GRM7: variants seen among roughly 807,000 people sequenced by gnomAD.
GRM7 encodes metabotropic glutamate receptor 7.
GRM7 carries 35 observed loss-of-function variants against 84.5 expected under a neutral mutation model. That is an observed-to-expected ratio of 0.41 (90% confidence interval 0.32 to 0.55). GRM7 has a LOEUF of 0.55. Among genes scored for constraint, GRM7 ranks in the 20% least tolerant of loss-of-function variants. The probability of loss-of-function intolerance (pLI) is 0.19; values close to 1 mark genes in which losing one functional copy is unlikely to be tolerated. For missense variants in GRM7, 1,003 were observed against 1,194.6 expected (o/e 0.84, Z 2.36); for synonymous variants, 487 against 455.1 (o/e 1.07, Z -0.89).
chr3:7,265,473 A>G (rs952508960), intron 2 of GRM7, among the ~76,000 whole-genome samples: 2 of 152,200 alleles, frequency 1.3e-5, no homozygotes, highest in African/African-American at 4.8e-5. Context: ...GTCATAGGGA[A>G]AGCAATTCTG....
chr3:7,617,622 A>G lies in GRM7; in HGVS notation c.2451+38265A>G, dbSNP rs912741603. Among the ~76,000 whole-genome samples the G allele has an allele frequency of 5.3e-5, 8 of 152,266 alleles. No homozygotes were observed. In the East Asian group the frequency reaches 1.5e-3, roughly 29 times the overall value. ...GAAAATACAAAGAATTCCTGCAAGG[A>G]AAGGAAGCAAAATGCAGTACGGAAG... On this transcript the variant is annotated intron_variant, in intron 8 of 9. Transcript: ENST00000357716.
At chr3:7,536,144 T>G (rs1701234061) in intron 7 of GRM7, among the ~76,000 whole-genome samples, 1 of 152,224 alleles carries the variant, frequency 6.6e-6, no homozygotes, top group South Asian at 2.1e-4. Context: ...GGAATCAGAA[T>G]GCTGGGACTT....
intron 2 of GRM7, among the ~76,000 whole-genome samples, chr3:7,206,442 G>A (rs1170052890): frequency 3.9e-5 from 6 of 152,066 alleles, no homozygotes. Context: ...TGGAGATACT[G>A]ATGGTTAAAA....
At chr3:7,218,779 ATAT>A (rs1696698598) in intron 2 of GRM7, among the ~76,000 whole-genome samples, 1 of 151,544 alleles carries the variant, frequency 6.6e-6, no homozygotes, top group African/African-American at 2.4e-5. Flanking sequence ...CTTTATTTTA[ATAT>A]TATAGATATT....
chr3:7,182,596 T>C (rs570018160), intron 2 of GRM7, among the ~76,000 whole-genome samples: 12 of 152,224 alleles, frequency 7.9e-5, no homozygotes, highest in African/African-American at 1.2e-4. Context: ...AGAAACCAAC[T>C]CCATCAAAGT....
At chr3:7,637,593 C>T (rs796530136) in intron 8 of GRM7, among the ~76,000 whole-genome samples, 15 of 152,286 alleles carry the variant, frequency 9.8e-5, no homozygotes, top group African/African-American at 3.4e-4. Context: ...AGGAGCCTAT[C>T]GCCTGTTAGG....
At chr3:6,879,841 T>C (rs1695443221) in intron 1 of GRM7, among the ~76,000 whole-genome samples, 1 of 152,208 alleles carries the variant, frequency 6.6e-6, no homozygotes, top group Non-Finnish European at 1.5e-5. Flanking sequence ...AGATTGTTTT[T>C]ATGTTAATTC....
chr3:7,532,194 G>T (rs1338172122), intron 7 of GRM7, among the ~76,000 whole-genome samples: 1 of 152,120 alleles, frequency 6.6e-6, no homozygotes, highest in East Asian at 1.9e-4. Flanking sequence ...AGAAGGAATG[G>T]TACCAGCTCC....
chr3:7,544,423 C>T (rs922649427), intron 7 of GRM7, among the ~76,000 whole-genome samples: 5 of 152,038 alleles, frequency 3.3e-5, no homozygotes, highest in African/African-American at 1.2e-4. Context: ...CGCAAAGCAC[C>T]GGGATTATAA....
chr3:7,395,205 G>C (rs181645195), intron 4 of GRM7, among the ~76,000 whole-genome samples: 12 of 152,126 alleles, frequency 7.9e-5, no homozygotes, highest in Admixed American at 4.6e-4. Flanking sequence ...TATTCTATCA[G>C]CCATTTGAGT....
intron 7 of GRM7, among the ~76,000 whole-genome samples, chr3:7,491,990 T>C (rs1208607160): frequency 1.3e-5 from 2 of 152,074 alleles, no homozygotes; most frequent in Non-Finnish European, 2.9e-5. Context: ...CTTCTGTGGC[T>C]TATTGATATG....
chr3:7,229,842 T>C (rs1295857329), intron 2 of GRM7, among the ~76,000 whole-genome samples: 11 of 128,304 alleles, frequency 8.6e-5, no homozygotes, highest in Non-Finnish European at 1.7e-4. Flanking sequence ...CCATCTTCTT[T>C]TTTTTTTTTT....
rs116709462 is a variant in GRM7, at chr3:7,070,442, T to C, written c.520-76010T>C. 1.1e-3 allele frequency among the ~76,000 whole-genome samples: 175 copies of C among 152,208 alleles called. 1 individual carries two copies. Among genetic ancestry groups the C allele is most frequent in the African/African-American group, 4.1e-3 (171 of 41,566 alleles). Reference sequence around the variant, plus strand: ...TACAAATGAATGCTAAAAACAAAACTTTTTCATTCCTAATAAACTTATTTT... The same window carrying C: ...TACAAATGAATGCTAAAAACAAAACCTTTTCATTCCTAATAAACTTATTTT... On this transcript the variant is annotated intron_variant, in intron 1 of 9. Coordinates refer to ENST00000357716, the MANE Select transcript of GRM7 (RefSeq NM_000844.4).
At chr3:7,421,980 C>G (rs1050298471) in intron 5 of GRM7, among the ~76,000 whole-genome samples, 1 of 148,104 alleles carries the variant, frequency 6.8e-6, no homozygotes, top group Non-Finnish European at 1.5e-5. Context: ...GTCCCAGCTG[C>G]TTACATTGGG....
chr3:7,704,462 G>T (rs1276517471), intron 9 of GRM7, among the ~76,000 whole-genome samples: 1 of 152,052 alleles, frequency 6.6e-6, no homozygotes, highest in Non-Finnish European at 1.5e-5. Flanking sequence ...TCAGAAATGT[G>T]TAACAGTTGA....
intron 7 of GRM7, among the ~76,000 whole-genome samples, chr3:7,474,188 T>C (rs1185045111): frequency 1.3e-5 from 2 of 152,206 alleles, no homozygotes; most frequent in Non-Finnish European, 2.9e-5. Context: ...GTCATCCTAA[T>C]ATACTGTTGT....
chr3:7,350,120 T>C (rs1467708574), intron 4 of GRM7, among the ~76,000 whole-genome samples: 1 of 152,150 alleles, frequency 6.6e-6, no homozygotes, highest in Non-Finnish European at 1.5e-5. Flanking sequence ...AATGTTGTTT[T>C]GTATTGTTTC....
chr3:7,739,178 AG>A (rs1702607107), intron 9 of GRM7, among the ~76,000 whole-genome samples: 1 of 152,250 alleles, frequency 6.6e-6, no homozygotes, highest in Non-Finnish European at 1.5e-5. Flanking sequence ...AATCCAGAAA[AG>A]AAGACCAGGC....
chr3:7,223,083 G>T (rs189697974), intron 2 of GRM7, among the ~76,000 whole-genome samples: 1 of 152,192 alleles, frequency 6.6e-6, no homozygotes, highest in African/African-American at 2.4e-5. Context: ...TTCTTGAAAT[G>T]TATATGTTGA....
Sources: gnomAD v4.1 joint callset for allele counts (sites outside exome capture counted in the v4.1 genomes callset) on GRCh38, gnomAD v4.1.1 for gene constraint, MANE v1.5 for transcripts, NCBI Gene and HGNC (gene_info 2026-07-23, HGNC 2026-07-21) for gene names.